BPIFC: variants seen among roughly 807,000 people sequenced by gnomAD.
The protein encoded by BPIFC is BPI fold containing family C.
A neutral mutation model predicts 57.6 loss-of-function variants in BPIFC; 60 were observed. The ratio of observed to expected loss-of-function variants is 1.04; its 90% CI spans 0.85 to 1.29. BPIFC has a LOEUF of 1.29. BPIFC is among the 50% of genes most tolerant of loss of function. BPIFC has a pLI of 0.00. For missense variants in BPIFC, 581 were observed against 600.5 expected, an observed-to-expected ratio of 0.97 and a Z score of 0.34; for synonymous variants, 243 against 224.5, an observed-to-expected ratio of 1.08 and a Z score of -0.74.
chr22:32,445,727 A>AAAAAAAAAAAAAAAAAAAC, intron 6 of BPIFC, 29 bp from the exon 7 acceptor site: 1 of 1,526,116 alleles, frequency 6.6e-7, no homozygotes, highest in Non-Finnish European at 8.8e-7. Flanking sequence ...AAAAAAAAAA[A>AAAAAAAAAAAAAAAAAAAC]AAAAAAAAGA....
chr22:32,431,439 A>ATTTATTTATTTATTTTATTTATTT, intron 12 of BPIFC, 25 bp from the exon 13 acceptor site: 6 of 1,343,070 alleles, frequency 4.5e-6, no homozygotes, highest in Non-Finnish European at 6.3e-6. Context: ...AGCATTTATT[A>ATTTATTTATTTATTTTATTTATTT]TTAAGACGAG....
chr22:32,436,394 A>AAGAG (rs1556041027), intron 9 of BPIFC, among the ~76,000 whole-genome samples: 1 of 138,378 alleles, frequency 7.2e-6, no homozygotes, highest in African/African-American at 2.8e-5. Context: ...AGGAGGAGGA[A>AAGAG]GAGGAGGAGG....
chr22:32,445,212 G>T (rs532988812), intron 7 of BPIFC, among the ~76,000 whole-genome samples: 1 of 152,326 alleles, frequency 6.6e-6, no homozygotes, highest in East Asian at 1.9e-4. Flanking sequence ...GCACACAGTA[G>T]ATGCTCAATA....
chr22:32,424,510 T>G (rs941125518), intron 13 of BPIFC, among the ~76,000 whole-genome samples: 7 of 150,712 alleles, frequency 4.6e-5, no homozygotes, highest in Non-Finnish European at 1.0e-4. Context: ...TCCATGCTTA[T>G]GGGTTTCCTC....
At chr22:32,427,671 C>A (rs1021001925) in intron 13 of BPIFC, among the ~76,000 whole-genome samples, 3 of 152,184 alleles carry the variant, frequency 2.0e-5, no homozygotes, top group African/African-American at 7.2e-5. Context: ...TTCCTTCCCC[C>A]CTCACCCTCA....
chr22:32,417,025 G>C, intron 15 of BPIFC, 60 bp downstream of exon 15: 2 of 1,327,382 alleles, frequency 1.5e-6, no homozygotes, highest in Middle Eastern at 1.8e-4. Flanking sequence ...CAGTGCAGCC[G>C]ATGCAGATGT....
chr22:32,419,521 A>T (rs1305727277), intron 13 of BPIFC, 117 bp from the exon 14 acceptor site: 5 of 1,063,236 alleles, frequency 4.7e-6, no homozygotes, highest in Non-Finnish European at 5.5e-6. Flanking sequence ...AAAACACACA[A>T]GGCTGGGCAT....
At chr22:32,417,290 C>G in intron 14 of BPIFC, 142 bp from the exon 15 acceptor site, 1 of 642,474 alleles carries the variant, frequency 1.6e-6, no homozygotes, top group Non-Finnish European at 2.7e-6. Flanking sequence ...ATCTTCCTGC[C>G]TCAGCCTCTC....
intron 3 of BPIFC, 127 bp from the exon 4 acceptor site, chr22:32,453,630 A>G: frequency 8.4e-7 from 1 of 1,192,674 alleles, no homozygotes; most frequent in Non-Finnish European, 1.1e-6. Flanking sequence ...TGGCAACCCC[A>G]CAAAGTGGGT....
At chr22:32,415,534 C>A (rs1933649053) in intron 16 of BPIFC, among the ~76,000 whole-genome samples, 1 of 152,186 alleles carries the variant, frequency 6.6e-6, no homozygotes. Context: ...CCAGTCCTGT[C>A]CCAGCCATGC....
At chr22:32,430,714 C>T (rs1171509635) in intron 13 of BPIFC, among the ~76,000 whole-genome samples, 1 of 151,512 alleles carries the variant, frequency 6.6e-6, no homozygotes, top group East Asian at 1.9e-4. Context: ...GATCATAGCT[C>T]ACTGTAATCT....
chr22:32,448,732 G>A (rs1416769608), intron 4 of BPIFC, among the ~76,000 whole-genome samples: 1 of 152,080 alleles, frequency 6.6e-6, no homozygotes, highest in African/African-American at 2.4e-5. Flanking sequence ...AAGGTCAGGA[G>A]TTCGAGACCA....
In BPIFC at chr22:32,424,574, TTTCTTCTTC is replaced by T. The variant is rs148930460; in HGVS notation, c.1218-5179_1218-5171del. Among the ~76,000 whole-genome samples, 4 of 68,964 alleles carry T rather than the reference TTTCTTCTTC, an allele frequency of 5.8e-5. 1 individual carries two copies. Among genetic ancestry groups the T allele is most frequent in the Admixed American group, 2.8e-4 (2 of 7,066 alleles). 45.2% of individuals were successfully genotyped at this position (68,964 alleles called of 152,430 possible). A position where few individuals can be genotyped will look rare whatever the true frequency, so the allele number is the denominator to read the frequency against. On this transcript the variant is annotated intron_variant, in intron 13 of 16. Coordinates refer to ENST00000300399, the MANE Select transcript of BPIFC (RefSeq NM_174932.3). ...TTCCTAAATCTTAAGTGTTATTTTC[TTTCTTCTTC>T]TTCTTCTTCTTCTTCTTCTCCTCCT...
At position 32,453,939 on chromosome 22, in the gene BPIFC, C is replaced by CA. The variant is rs764431391; in HGVS notation, c.125-437dup. Among the ~76,000 whole-genome samples, 56 of 123,542 alleles carry CA rather than the reference C, an allele frequency of 4.5e-4. 1 individual carries two copies. Among genetic ancestry groups the CA allele is most frequent in the South Asian group, 3.5e-3 (12 of 3,410 alleles). 81.0% of individuals were successfully genotyped at this position (123,542 alleles called of 152,430 possible). On this transcript the variant is annotated intron_variant, in intron 3 of 16. Transcript: ENST00000300399. ...CTACAAAAACAAACAACAACAACAACAACAAAAAAAAAAATTAAAAAATTA... is the reference window on the plus strand; with the variant it reads ...CTACAAAAACAAACAACAACAACAACAAACAAAAAAAAAAATTAAAAAATTA...
rs1188733788 is a variant in BPIFC, at chr22:32,414,397, T to C, written c.1430A>G (p.Lys477Arg). The C allele has an allele frequency of 4.3e-6, 7 of 1,613,896 alleles. No homozygotes were observed. The African/African-American group carries it at 8.0e-5, about 18-fold the overall frequency. The stretch of plus-strand genomic sequence containing the variant: ...CTGCTGCTTTGAGGATGTTTCATAC[T>C]TCAGGTCGGTGGAAATCAAAAGGAA... ...EGFLLISTDL[K>R]YETSSKQQPS... is the part of the protein sequence containing the mutation. Residue 477 changes from lysine to arginine, a missense_variant, in exon 17 of 17, where the codon AAG becomes AGG. Lys to Arg is a conservative substitution (Grantham distance 26). Transcript: ENST00000300399.
chr22:32,464,243 A>T, intron 1 of BPIFC, 131 bp downstream of exon 1: 1 of 268,566 alleles, frequency 3.7e-6, no homozygotes, highest in Non-Finnish European at 5.7e-6. Flanking sequence ...ATACAGAAAA[A>T]TCTAGGCAGA....
intron 1 of BPIFC, among the ~76,000 whole-genome samples, chr22:32,462,168 C>CAAAAA (rs35716277): frequency 2.9e-3 from 157 of 53,556 alleles, no homozygotes; most frequent in Middle Eastern, 0.016. Context: ...GACTCCATCT[C>CAAAAA]AAAAAAAAAA....
Position 32,451,984 on chromosome 22 carries a change from T to C in BPIFC, c.245+1399A>G, listed in dbSNP as rs147661487. On this transcript the variant is annotated intron_variant, in intron 4 of 16. Coordinates refer to ENST00000300399, the MANE Select transcript of BPIFC (RefSeq NM_174932.3). ...GGCACAATCATGGATCACTGCAACC[T>C]TGACCTCCAGGGCTCCAGTGATCCT... Among the ~76,000 whole-genome samples, 433 of 152,272 alleles carry C rather than the reference T, an allele frequency of 2.8e-3. 2 individuals carry two copies. Among genetic ancestry groups the C allele is most frequent in the African/African-American group, 0.01 (420 of 41,556 alleles).
intron 8 of BPIFC, among the ~76,000 whole-genome samples, chr22:32,438,455 A>G (rs1934472219): frequency 6.6e-6 from 1 of 152,128 alleles, no homozygotes; most frequent in South Asian, 2.1e-4. Context: ...GCAGTGGTAC[A>G]ATCTCAGCTC....
Sources: gnomAD v4.1 joint callset for allele counts (sites outside exome capture counted in the v4.1 genomes callset) on GRCh38, gnomAD v4.1.1 for gene constraint, MANE v1.5 for transcripts, NCBI Gene and HGNC (gene_info 2026-07-23, HGNC 2026-07-21) for gene names.